Variants in SSH2 observed in about 807,000 individuals in gnomAD.
SSH2 encodes the protein protein phosphatase Slingshot homolog 2.
Under a neutral mutation model 135.2 loss-of-function variants are expected in SSH2, and 37 were observed. The ratio of observed to expected loss-of-function variants is 0.27; its 90% confidence interval spans 0.21 to 0.36. SSH2 has a LOEUF of 0.36. Among genes scored for constraint, SSH2 ranks in the 10% least tolerant of loss-of-function variants. SSH2 has a pLI of 1.00. For missense variants in SSH2, 1,408 were observed against 1,765.3 expected, an observed-to-expected ratio of 0.80 and a Z score of 3.63; for synonymous variants, 628 against 646.2, an observed-to-expected ratio of 0.97 and a Z score of 0.43.
chr17:29,634,349 T>C (rs2035806271), intron 15 of SSH2, among the ~76,000 whole-genome samples: 1 of 152,228 alleles, frequency 6.6e-6, no homozygotes, highest in Non-Finnish European at 1.5e-5. Flanking sequence ...TCACAGTTTA[T>C]TTCCCAACTA....
chr17:29,730,886 CTG>C (rs1488400242), intron 3 of SSH2, among the ~76,000 whole-genome samples: 1 of 152,128 alleles, frequency 6.6e-6, no homozygotes, highest in African/African-American at 2.4e-5. Context: ...GATAAGGTGA[CTG>C]TTACCTTCAG....
chr17:29,813,368 G>T (rs1256238160), intron 2 of SSH2, among the ~76,000 whole-genome samples: 1 of 151,512 alleles, frequency 6.6e-6, no homozygotes, highest in Non-Finnish European at 1.5e-5. Context: ...CTGGGTGAGT[G>T]AGACTCTGTA....
At chr17:29,638,366 A>G (rs1328020325) in intron 14 of SSH2, among the ~76,000 whole-genome samples, 1 of 152,004 alleles carries the variant, frequency 6.6e-6, no homozygotes, top group Non-Finnish European at 1.5e-5. Context: ...CAGTAAAAAA[A>G]AAAACCTCAA....
intron 3 of SSH2, chr17:29,761,380 G>C (rs1199893122): frequency 2.8e-6 from 3 of 1,067,140 alleles, no homozygotes; most frequent in Admixed American, 5.9e-5. Context: ...GGCCCGCCGG[G>C]TCGCGCGGAG....
Position 29,676,790 on chromosome 17 carries a change from CT to C in SSH2, c.614+29del, listed in dbSNP as rs766930958. ...ATATTCCTCCAATAACATTAAAACACTTTTGTAGAGATAGTAAAAGTCATCT... is the reference window on the plus strand; with the variant it reads ...ATATTCCTCCAATAACATTAAAACACTTTGTAGAGATAGTAAAAGTCATCT... On this transcript the variant is annotated intron_variant, in intron 8 of 15. Coordinates refer to ENST00000540801, the MANE Select transcript of SSH2 (RefSeq NM_001282129.2). 2.0e-5 allele frequency: 32 copies of C among 1,567,750 alleles called. No individual in the cohort carries two copies. In the African/African-American group the frequency reaches 3.4e-4, roughly 17 times the overall value.
intron 3 of SSH2, among the ~76,000 whole-genome samples, chr17:29,706,543 A>G (rs2039207791): frequency 6.6e-6 from 1 of 152,196 alleles, no homozygotes. Context: ...CACTCACATT[A>G]CGGGAACAAC....
chr17:29,738,792 G>A (rs1009551881), intron 3 of SSH2, among the ~76,000 whole-genome samples: 3 of 151,884 alleles, frequency 2.0e-5, no homozygotes, highest in Non-Finnish European at 4.4e-5. Flanking sequence ...CTGACCTTGT[G>A]ATCCGCCCGC....
intron 3 of SSH2, among the ~76,000 whole-genome samples, chr17:29,760,749 C>T (rs1167974899): frequency 6.6e-6 from 1 of 151,864 alleles, no homozygotes; most frequent in Non-Finnish European, 1.5e-5. Context: ...CCCATAATCA[C>T]GGAAAGCTGC....
chr17:29,785,713 C>T (rs1392275053), intron 3 of SSH2, among the ~76,000 whole-genome samples: 1 of 150,596 alleles, frequency 6.6e-6, no homozygotes, highest in Non-Finnish European at 1.5e-5. Context: ...GTTGACCAGG[C>T]TGGTCTCGAA....
intron 3 of SSH2, chr17:29,761,240 G>T: frequency 7.8e-7 from 1 of 1,289,592 alleles, no homozygotes; most frequent in Non-Finnish European, 1.0e-6. Flanking sequence ...GCAAGCGAGG[G>T]GCGCCTTCCT....
In SSH2 at chr17:29,632,247, C is replaced by A; in HGVS notation, c.2947G>T (p.Ala983Ser). The A allele has an allele frequency of 6.2e-7, 1 of 1,614,056 alleles. No individual in the cohort carries two copies. The change falls in exon 16 of 16, where the codon GCT (alanine) becomes TCT (serine). Residue 983 changes from alanine to serine, a missense_variant. By Grantham distance (99) the Ala-to-Ser change is moderately conservative. Transcript: ENST00000540801. ...SHSEQNATVP[A>S]PRVLEFDHLP... ...TGGTCAAACTCCAGCACCCTGGGAG[C>A]TGGAACAGTGGCATTCTGCTCAGAA... is the stretch of plus-strand genomic sequence containing the variant.
At chr17:29,774,249 C>A (rs772008688) in intron 3 of SSH2, among the ~76,000 whole-genome samples, 2 of 152,056 alleles carry the variant, frequency 1.3e-5, no homozygotes, top group Non-Finnish European at 2.9e-5. Flanking sequence ...AAACAAATAA[C>A]TTGTAGTGAA....
chr17:29,668,005 A>C (rs527344786), intron 9 of SSH2, among the ~76,000 whole-genome samples: 1 of 152,314 alleles, frequency 6.6e-6, no homozygotes, highest in East Asian at 1.9e-4. Flanking sequence ...TCCTCCTCTA[A>C]AGCATTATTT....
At chr17:29,638,120 A>T (rs1387468402) in intron 14 of SSH2, among the ~76,000 whole-genome samples, 2 of 152,106 alleles carry the variant, frequency 1.3e-5, no homozygotes, top group African/African-American at 4.8e-5. Flanking sequence ...TCTCAAATAA[A>T]CAAACAAATA....
At chr17:29,851,630 C>G (rs2065562327) in intron 1 of SSH2, among the ~76,000 whole-genome samples, 1 of 151,680 alleles carries the variant, frequency 6.6e-6, no homozygotes, top group African/African-American at 2.4e-5. Context: ...ATGATAAAAA[C>G]TGGAGAGAGC....
intron 1 of SSH2, among the ~76,000 whole-genome samples, chr17:29,862,723 C>A (rs977093582): frequency 2.6e-5 from 4 of 152,172 alleles, no homozygotes; most frequent in Non-Finnish European, 5.9e-5. Flanking sequence ...CTGCAATTAG[C>A]CTATTTCATT....
chr17:29,813,835 T>A (rs1291979919), intron 2 of SSH2, among the ~76,000 whole-genome samples: 2 of 130,160 alleles, frequency 1.5e-5, no homozygotes, highest in Admixed American at 1.6e-4. Context: ...AAAATTAAAT[T>A]AAAATTTAAA....
At position 29,632,324 on chromosome 17, in the gene SSH2, A is replaced by G; in HGVS notation, c.2870T>C (p.Met957Thr). The G allele has an allele frequency of 1.2e-6, 2 of 1,613,926 alleles. No homozygotes were observed. The highest frequency in any genetic ancestry group is 1.7e-6 in the Non-Finnish European group (2 of 1,179,852). The change falls in exon 16 of 16, where the codon ATG (methionine) becomes ACG (threonine). Residue 957 changes from methionine (M) to threonine (T), a missense_variant. Met to Thr is a moderately conservative substitution (Grantham distance 81). Around this residue, in one of 3 missense-constraint regions of SSH2, gnomAD observed 1,080 missense variants for 1,144.5 expected, o/e 0.94. Coordinates refer to ENST00000540801, the MANE Select transcript of SSH2 (RefSeq NM_001282129.2). ...EHSFVLKEPE[M>T]SKGKGKYSGS... The stretch of plus-strand genomic sequence containing the variant: ...ACTGTATTTCCCTTTGCCTTTGCTC[A>G]TTTCTGGTTCCTTGAGGACAAATGA...
At chr17:29,866,241 T>C (rs115071924) in intron 1 of SSH2, 1 of 152,182 alleles carries the variant, frequency 6.6e-6, no homozygotes, top group Non-Finnish European at 1.5e-5. Flanking sequence ...TGTGTAGATA[T>C]TGAATTATGT....
Sources: allele counts gnomAD v4.1 joint callset (sites outside exome capture counted in the v4.1 genomes callset), GRCh38; gene constraint gnomAD v4.1.1; regional missense constraint gnomAD v4.1.1; transcripts MANE v1.5; gene names NCBI Gene and HGNC (gene_info 2026-07-23, HGNC 2026-07-21).